The following SLC9A4 variants were observed in gnomAD, a reference collection of about 807,000 sequenced individuals.
SLC9A4 encodes the protein solute carrier family 9 member A4, also known as sodium/hydrogen exchanger 4.
Under a neutral mutation model 67.4 loss-of-function variants are expected in SLC9A4, and 63 were observed. That is an observed-to-expected ratio of 0.93 (90% CI 0.76 to 1.15). The LOEUF (loss-of-function observed/expected upper bound fraction) is 1.15. SLC9A4 is among the 50% of genes most tolerant of loss of function. SLC9A4 has a pLI of 0.00. For missense variants in SLC9A4, 1,089 were observed against 987.7 expected, an observed-to-expected ratio of 1.10 and a Z score of -1.38; for synonymous variants, 393 against 367.2, an observed-to-expected ratio of 1.07 and a Z score of -0.80.
intron 1 of SLC9A4, among the ~76,000 whole-genome samples, chr2:102,478,310 G>A (rs1573324481): frequency 6.6e-6 from 1 of 152,240 alleles, no homozygotes; most frequent in Non-Finnish European, 1.5e-5. Flanking sequence ...TGCATGAAGG[G>A]TCACTCATGA....
At chr2:102,524,134 A>C (rs1354135783) in intron 9 of SLC9A4, among the ~76,000 whole-genome samples, 1 of 152,234 alleles carries the variant, frequency 6.6e-6, no homozygotes, top group African/African-American at 2.4e-5. Context: ...GGCACATAGA[A>C]CATTTTCTCT....
chr2:102,508,770 T>G, intron 5 of SLC9A4, 77 bp from the exon 6 acceptor site: 1 of 1,069,502 alleles, frequency 9.4e-7, no homozygotes, highest in Admixed American at 2.4e-5. Context: ...ATTCTAATAG[T>G]TTTGTTAATA....
chr2:102,517,473 A>G (rs1352030529), intron 8 of SLC9A4, among the ~76,000 whole-genome samples: 1 of 152,216 alleles, frequency 6.6e-6, no homozygotes, highest in Admixed American at 6.5e-5. Context: ...GGCAGACTGA[A>G]GAGAGGTTGA....
intron 2 of SLC9A4, among the ~76,000 whole-genome samples, chr2:102,482,824 T>C (rs1204281972): frequency 6.6e-6 from 1 of 152,218 alleles, no homozygotes; most frequent in African/African-American, 2.4e-5. Flanking sequence ...ATCTCTTTAA[T>C]TTTCACAGCA....
intron 2 of SLC9A4, among the ~76,000 whole-genome samples, chr2:102,497,321 ATAC>A (rs201082004): frequency 0.029 from 4,342 of 152,308 alleles, 94 homozygotes; most frequent in Non-Finnish European, 0.046. Flanking sequence ...TCCTAGGTAT[ATAC>A]GCAAGAGAAA....
chr2:102,513,272 G>C (rs545317405), intron 7 of SLC9A4, among the ~76,000 whole-genome samples: 1 of 152,324 alleles, frequency 6.6e-6, no homozygotes, highest in East Asian at 1.9e-4. Flanking sequence ...TAACCCTGGA[G>C]GGGCTTAGCA....
rs767237615 is a variant in SLC9A4 at position 102,478,912 on chromosome 2, G to A, written c.330G>A (p.Val110=). The change falls in exon 2 of 12, where the codon GTG becomes GTA. Residue 110 remains valine, a synonymous_variant. Coordinates refer to ENST00000295269, the MANE Select transcript of SLC9A4 (RefSeq NM_001011552.4). ...SCLLILVGAL[V]GGIIFGTDHK... ...TCCTCATCCTGGTGGGGGCGCTGGTGGGCGGCATCATCTTCGGCACCGACC... is the reference window on the plus strand; with the variant it reads ...TCCTCATCCTGGTGGGGGCGCTGGTAGGCGGCATCATCTTCGGCACCGACC... 1.2e-6 allele frequency: 2 copies of A among 1,614,066 alleles called. No individual in the cohort carries two copies. Among genetic ancestry groups the A allele is most frequent in the Non-Finnish European group, 8.5e-7 (1 of 1,179,984 alleles).
At position 102,473,701 on chromosome 2, in the gene SLC9A4, C is replaced by T. The variant is rs77432424; in HGVS notation, c.-59C>T. 4.3e-4 allele frequency: 674 copies of T among 1,585,596 alleles called. 6 individuals are homozygous for T. In the East Asian group the frequency reaches 0.012, roughly 29 times the overall value. On this transcript the variant is annotated 5_prime_UTR_variant, in exon 1 of 12. Coordinates refer to ENST00000295269, the MANE Select transcript of SLC9A4 (RefSeq NM_001011552.4). ...TGCAGTCACTCTCTAGAAGCCTCCC[C>T]GACTTCAGATGTGTGGCACACATCC...
intron 7 of SLC9A4, among the ~76,000 whole-genome samples, chr2:102,513,558 C>T (rs956764721): frequency 2.8e-5 from 2 of 71,566 alleles, no homozygotes; most frequent in Non-Finnish European, 3.1e-5. Context: ...TTGGGACATA[C>T]GTAGGGTTTT....
At chr2:102,483,841 T>TATATATATATATATAC (rs370126753) in intron 2 of SLC9A4, among the ~76,000 whole-genome samples, 2 of 126,782 alleles carry the variant, frequency 1.6e-5, no homozygotes, top group Non-Finnish European at 3.3e-5. Flanking sequence ...TATATATATA[T>TATATATATATATATAC]ACACACACAC....
chr2:102,532,498 A>G lies in SLC9A4; in HGVS notation c.2207A>G (p.Tyr736Cys). ...CAAAGAAACACAAGCCAAGAAGAGT[A>G]CTTGGGTGGAGTAAGGAGGGTGGCC... ...GYQRNTSQEE[Y>C]LGGVRRVALR... The change falls in exon 12 of 12, where the codon TAC becomes TGC. Residue 736 changes from tyrosine to cysteine, a missense_variant. Coordinates refer to ENST00000295269, the MANE Select transcript of SLC9A4 (RefSeq NM_001011552.4). 1 of 1,614,194 alleles carries G rather than the reference A, an allele frequency of 6.2e-7. No homozygotes were observed. Among genetic ancestry groups the G allele is most frequent in the Non-Finnish European group, 8.5e-7 (1 of 1,180,012 alleles).
chr2:102,479,553 A>G (rs1384924705), intron 2 of SLC9A4, among the ~76,000 whole-genome samples: 1 of 152,222 alleles, frequency 6.6e-6, no homozygotes, highest in Non-Finnish European at 1.5e-5. Flanking sequence ...AGGAGAGAGA[A>G]CGTATCATTC....
chr2:102,526,168 G>A (rs1402642378), intron 10 of SLC9A4, 91 bp from the exon 11 acceptor site: 31 of 1,353,926 alleles, frequency 2.3e-5, no homozygotes, highest in Admixed American at 8.6e-5. Flanking sequence ...GATTACAGGC[G>A]TGAGCCACAG....
chr2:102,511,995 T>C (rs1461662616), intron 6 of SLC9A4, among the ~76,000 whole-genome samples: 1 of 152,186 alleles, frequency 6.6e-6, no homozygotes, highest in Non-Finnish European at 1.5e-5. Flanking sequence ...AAGAAACTTA[T>C]CTACAGAGTC....
intron 2 of SLC9A4, among the ~76,000 whole-genome samples, chr2:102,489,122 T>C (rs1362641412): frequency 6.6e-6 from 1 of 152,222 alleles, no homozygotes; most frequent in Non-Finnish European, 1.5e-5. Flanking sequence ...GTTAAGTGGC[T>C]TTTAAACTAC....
chr2:102,479,126 C>CTT lies in SLC9A4; in HGVS notation c.544_545insTT (p.Gln182LeufsTer3). The CTT allele has an allele frequency of 6.2e-7, 1 of 1,614,176 alleles. No individual in the cohort carries two copies. The highest frequency in any genetic ancestry group is 8.5e-7 in the Non-Finnish European group (1 of 1,180,016). On this transcript the variant is annotated frameshift_variant, in exon 2 of 12. Transcript: ENST00000295269. LOFTEE classifies it high-confidence loss of function. ...TGGCCTCTCCCTCTACCTCATCTGC[C>CTT]AGGTGAAGGCCTTTGGCCTGGGCGA...
At chr2:102,530,980 T>C (rs990991620) in intron 11 of SLC9A4, among the ~76,000 whole-genome samples, 3 of 151,994 alleles carry the variant, frequency 2.0e-5, no homozygotes, top group Admixed American at 6.6e-5. Context: ...ATTCTAGATA[T>C]GGAGTTTTTG....
rs61731292 is a variant in SLC9A4, at chr2:102,508,921, G to A, written c.1476G>A (p.Glu492=). 3,535 of 1,610,296 alleles carry A rather than the reference G, an allele frequency of 2.2e-3. 63 individuals carry two copies. The African/African-American group carries it at 0.04, about 18-fold the overall frequency. The stretch of plus-strand genomic sequence containing the variant: ...ATAAAAAAGAATCCATCAATGAAGA[G>A]CTTCATATTCGTGTAAGTTATCTCA... The part of the protein sequence containing the change: ...KTNKKESINE[E]LHIRLMDHLK... Residue 492 remains glutamate (E), a synonymous_variant, in exon 6 of 12, where the codon GAG becomes GAA. Transcript: ENST00000295269.
chr2:102,526,054 A>C (rs1230092896), intron 10 of SLC9A4, among the ~76,000 whole-genome samples: 2 of 152,040 alleles, frequency 1.3e-5, no homozygotes, highest in Non-Finnish European at 2.9e-5. Flanking sequence ...CGCCCTGCTA[A>C]TTTTTGTATT....
Sources: gnomAD v4.1 joint callset for allele counts (sites outside exome capture counted in the v4.1 genomes callset) on GRCh38, gnomAD v4.1.1 for gene constraint, MANE v1.5 for transcripts, NCBI Gene and HGNC (gene_info 2026-07-23, HGNC 2026-07-21) for gene names.